The following NEK1 variants were observed in gnomAD, a reference collection of about 807,000 sequenced individuals.
NEK1 encodes the protein serine/threonine-protein kinase Nek1.
NEK1 carries 137 observed loss-of-function variants against 182.1 expected under a neutral mutation model. The observed-to-expected ratio is 0.75, with a 90% CI of 0.65 to 0.87. The LOEUF is 0.87. Ranked by LOEUF, NEK1 falls within the 40% of genes least tolerant of loss-of-function variation. NEK1 has a pLI of 0.00. For missense variants in NEK1, 1,391 were observed against 1,494.4 expected, an observed-to-expected ratio of 0.93 and a Z score of 1.14; for synonymous variants, 513 against 492.2, an observed-to-expected ratio of 1.04 and a Z score of -0.56.
chr4:169,525,097 C>A (rs1029208260), intron 19 of NEK1, among the ~76,000 whole-genome samples: 3 of 152,064 alleles, frequency 2.0e-5, no homozygotes, highest in Non-Finnish European at 4.4e-5. Flanking sequence ...TACACATATT[C>A]TTTTCCATGT....
rs557960526 is a variant in NEK1, at chr4:169,428,130, T to C, written c.2886-1896A>G. Among the ~76,000 whole-genome samples the C allele has an allele frequency of 2.6e-5, 4 of 151,972 alleles. No individual in the cohort carries two copies. In the East Asian group the frequency reaches 5.8e-4, roughly 22 times the overall value. Reference sequence around the variant, plus strand: ...AGCCACTTTCCCCAGTCAAGCAACATATTTATTCATTCAAAATATAATGTC... The same window carrying C: ...AGCCACTTTCCCCAGTCAAGCAACACATTTATTCATTCAAAATATAATGTC... On this transcript the variant is annotated intron_variant, in intron 29 of 35. Coordinates refer to ENST00000507142, the MANE Select transcript of NEK1 (RefSeq NM_001199397.3).
chr4:169,433,535 A>T lies in NEK1; in HGVS notation c.2885+10T>A. On this transcript the variant is annotated intron_variant, in intron 29 of 35. Transcript: ENST00000507142. Reference sequence around the variant, plus strand: ...CTGGGTTTTAAAATGTCAGGAAAAGATGTACATACTGAGTTTCCTTTGTTT... The same window carrying T: ...CTGGGTTTTAAAATGTCAGGAAAAGTTGTACATACTGAGTTTCCTTTGTTT... 6.2e-7 allele frequency: 1 copy of T among 1,602,250 alleles called. No homozygotes were observed. Among genetic ancestry groups the T allele is most frequent in the Non-Finnish European group, 8.5e-7 (1 of 1,176,396 alleles).
chr4:169,493,149 C>A (rs1386704941), intron 23 of NEK1, among the ~76,000 whole-genome samples: 1 of 152,128 alleles, frequency 6.6e-6, no homozygotes, highest in East Asian at 1.9e-4. Context: ...CAAAAAACAG[C>A]ATCTGAGAAA....
chr4:169,492,350 C>T (rs948514826), intron 23 of NEK1, among the ~76,000 whole-genome samples: 1 of 152,116 alleles, frequency 6.6e-6, no homozygotes, highest in Admixed American at 6.6e-5. Context: ...GGAGTACCCA[C>T]GTGAAGAAGA....
rs147277004 is a variant in NEK1, at chr4:169,559,314, T to C, written c.1266+2166A>G. On this transcript the variant is annotated intron_variant, in intron 16 of 35. Coordinates refer to ENST00000507142, the MANE Select transcript of NEK1 (RefSeq NM_001199397.3). ...TGAAGGAGTACAAGTTGATAAGCTT[T>C]CTCTTTCCAATCAGGTAAGATGTGA... is the stretch of plus-strand genomic sequence containing the variant. Among the ~76,000 whole-genome samples, 436 of 152,318 alleles carry C rather than the reference T, an allele frequency of 2.9e-3. 2 individuals carry two copies. Among genetic ancestry groups the C allele is most frequent in the Non-Finnish European group, 4.8e-3 (329 of 68,008 alleles).
chr4:169,398,734 A>T (rs535347579), intron 35 of NEK1, among the ~76,000 whole-genome samples: 1 of 152,120 alleles, frequency 6.6e-6, no homozygotes, highest in East Asian at 1.9e-4. Context: ...ACATATATAT[A>T]TTTCAATGCA....
intron 23 of NEK1, among the ~76,000 whole-genome samples, chr4:169,504,007 A>G (rs1318770010): frequency 6.6e-6 from 1 of 152,160 alleles, no homozygotes; most frequent in Non-Finnish European, 1.5e-5. Context: ...CAGAATATAT[A>G]AGGACCTCAA....
At chr4:169,558,831 C>G (rs567373939) in intron 16 of NEK1, among the ~76,000 whole-genome samples, 1 of 152,082 alleles carries the variant, frequency 6.6e-6, no homozygotes, top group South Asian at 2.1e-4. Context: ...AAAAATGCCT[C>G]TTATTTAGAA....
chr4:169,440,119 C>T (rs1181348103), intron 27 of NEK1, among the ~76,000 whole-genome samples: 4 of 151,574 alleles, frequency 2.6e-5, no homozygotes, highest in Admixed American at 2.0e-4. Flanking sequence ...GCTGGGATTA[C>T]AGGCATGAGC....
intron 23 of NEK1, among the ~76,000 whole-genome samples, chr4:169,485,834 T>A (rs1430506229): frequency 2.0e-5 from 3 of 151,912 alleles, no homozygotes; most frequent in Non-Finnish European, 2.9e-5. Context: ...AATTTTCTTT[T>A]TTCTTGTAGA....
At chr4:169,462,855 G>A (rs932370766) in intron 27 of NEK1, among the ~76,000 whole-genome samples, 1 of 152,028 alleles carries the variant, frequency 6.6e-6, no homozygotes, top group Non-Finnish European at 1.5e-5. Flanking sequence ...TCCTTCCCCA[G>A]TCCTAGAATT....
chr4:169,476,652 A>AT (rs1386533285), intron 26 of NEK1, among the ~76,000 whole-genome samples: 2 of 152,096 alleles, frequency 1.3e-5, no homozygotes, highest in Non-Finnish European at 2.9e-5. Flanking sequence ...TTTTGTTCCT[A>AT]TATCTCCAAT....
At chr4:169,451,493 C>A (rs576837295) in intron 27 of NEK1, among the ~76,000 whole-genome samples, 1 of 152,106 alleles carries the variant, frequency 6.6e-6, no homozygotes, top group Non-Finnish European at 1.5e-5. Context: ...CACTCAAAAC[C>A]GCACAACTAC....
chr4:169,528,372 A>G (rs1369750664), intron 19 of NEK1, among the ~76,000 whole-genome samples: 1 of 152,166 alleles, frequency 6.6e-6, no homozygotes, highest in African/African-American at 2.4e-5. Context: ...ACTGAGAGAG[A>G]CCTCAAGTCA....
intron 19 of NEK1, among the ~76,000 whole-genome samples, chr4:169,523,302 A>C (rs1245896149): frequency 6.6e-6 from 1 of 152,224 alleles, no homozygotes; most frequent in Non-Finnish European, 1.5e-5. Context: ...AGTACCTCAG[A>C]ATTAACCTTA....
chr4:169,446,822 T>A (rs1740663240), intron 27 of NEK1, among the ~76,000 whole-genome samples: 1 of 151,992 alleles, frequency 6.6e-6, no homozygotes, highest in African/African-American at 2.4e-5. Flanking sequence ...AAGAAAGAAT[T>A]AGCGAGCTTG....
At chr4:169,416,710 G>C (rs997171590) in intron 31 of NEK1, among the ~76,000 whole-genome samples, 9 of 152,158 alleles carry the variant, frequency 5.9e-5, no homozygotes, top group Non-Finnish European at 7.4e-5. Context: ...TTCCAGACCA[G>C]TCTGGGCAAC....
At chr4:169,590,008 T>C (rs1329526402) in intron 6 of NEK1, among the ~76,000 whole-genome samples, 1 of 152,084 alleles carries the variant, frequency 6.6e-6, no homozygotes, top group Non-Finnish European at 1.5e-5. Context: ...ATAGTATGAC[T>C]TAGAAGTAGG....
In NEK1 at chr4:169,400,516, C is replaced by T. The variant is rs1731477578; in HGVS notation, c.3714+5G>A. The stretch of plus-strand genomic sequence containing the variant: ...TTTAAGTGTTTTAATTGACTTTTCA[C>T]TTACCTTTATTTTCTCATAAACCTC... On this transcript the variant is annotated splice_donor_5th_base_variant and intron_variant, in intron 34 of 35. Coordinates refer to ENST00000507142, the MANE Select transcript of NEK1 (RefSeq NM_001199397.3). 6.3e-7 allele frequency: 1 copy of T among 1,595,010 alleles called. No homozygotes were observed. The highest frequency in any genetic ancestry group is 1.2e-5 in the South Asian group (1 of 85,866).
Sources: gnomAD v4.1 joint callset for allele counts (sites outside exome capture counted in the v4.1 genomes callset) on GRCh38, gnomAD v4.1.1 for gene constraint, MANE v1.5 for transcripts, NCBI Gene and HGNC (gene_info 2026-07-23, HGNC 2026-07-21) for gene names.